LRRC7: variants seen among roughly 807,000 people sequenced by gnomAD.
LRRC7 encodes the protein leucine-rich repeat-containing protein 7.
Under a neutral mutation model 175.7 loss-of-function variants are expected in LRRC7, and 23 were observed. The observed-to-expected ratio is 0.13, with a 90% CI of 0.09 to 0.19. The LOEUF is 0.19. Ranked by LOEUF, LRRC7 falls within the 10% of genes least tolerant of loss-of-function variation. The probability of loss-of-function intolerance (pLI) is 1.00; values close to 1 mark genes in which losing one functional copy is unlikely to be tolerated. For missense variants in LRRC7, 1,354 were observed against 1,904.7 expected, an observed-to-expected ratio of 0.71 and a Z score of 5.38; for synonymous variants, 685 against 680.9, an observed-to-expected ratio of 1.01 and a Z score of -0.09.
chr1:69,873,604 G>A, intron 7 of LRRC7: 1 of 475,298 alleles, frequency 2.1e-6, no homozygotes, highest in Non-Finnish European at 4.4e-6. Context: ...AATAGACTTT[G>A]TAGAGGTAGT....
chr1:69,939,015 CTATATATATATATATCTATATATATCTA>C (rs1473701322), intron 8 of LRRC7, among the ~76,000 whole-genome samples: 6 of 52,688 alleles, frequency 1.1e-4, no homozygotes, highest in African/African-American at 3.2e-4. Flanking sequence ...ATATATATAT[CTATATATATATATATCTATATATATCTA>C]TATCTATCTC....
At chr1:69,797,189 T>G (rs1445914396) in intron 4 of LRRC7, among the ~76,000 whole-genome samples, 1 of 152,154 alleles carries the variant, frequency 6.6e-6, no homozygotes, top group Non-Finnish European at 1.5e-5. Flanking sequence ...ATCCAATTGT[T>G]TTAACCGAGT....
At chr1:69,843,898 A>G (rs919484650) in intron 7 of LRRC7, among the ~76,000 whole-genome samples, 1 of 152,102 alleles carries the variant, frequency 6.6e-6, no homozygotes, top group African/African-American at 2.4e-5. Context: ...TTCTTTTGCT[A>G]TAGAGGACAT....
chr1:69,723,530 A>G (rs1354987417), intron 2 of LRRC7, among the ~76,000 whole-genome samples: 1 of 152,174 alleles, frequency 6.6e-6, no homozygotes, highest in Non-Finnish European at 1.5e-5. Flanking sequence ...GTCAGAAATT[A>G]TTAATAAGAG....
intron 24 of LRRC7, among the ~76,000 whole-genome samples, chr1:70,079,375 A>C (rs1663046506): frequency 6.6e-6 from 1 of 152,068 alleles, no homozygotes; most frequent in South Asian, 2.1e-4. Flanking sequence ...TAAATTATCT[A>C]ACAACAATGG....
chr1:69,969,636 A>G (rs907111811), intron 8 of LRRC7, among the ~76,000 whole-genome samples: 14 of 152,272 alleles, frequency 9.2e-5, no homozygotes, highest in African/African-American at 3.1e-4. Context: ...TAAAACAACT[A>G]CTACTAGACC....
At chr1:69,982,863 A>G (rs1653574252) in intron 9 of LRRC7, among the ~76,000 whole-genome samples, 1 of 152,230 alleles carries the variant, frequency 6.6e-6, no homozygotes, top group Non-Finnish European at 1.5e-5. Flanking sequence ...GTAAGAATTT[A>G]TGCCTTTACA....
intron 7 of LRRC7, among the ~76,000 whole-genome samples, chr1:69,919,147 C>G (rs939946337): frequency 7.9e-5 from 12 of 152,032 alleles, no homozygotes; most frequent in African/African-American, 2.9e-4. Context: ...AAAGTATCTA[C>G]AGAGTAGAGT....
At chr1:69,609,083 G>A (rs1648275282) in intron 1 of LRRC7, among the ~76,000 whole-genome samples, 1 of 151,662 alleles carries the variant, frequency 6.6e-6, no homozygotes, top group East Asian at 1.9e-4. Flanking sequence ...CAGCTTGAAA[G>A]CACCCAGCTT....
chr1:69,727,691 A>G (rs1240443466), intron 2 of LRRC7, among the ~76,000 whole-genome samples: 1 of 152,198 alleles, frequency 6.6e-6, no homozygotes, highest in Non-Finnish European at 1.5e-5. Context: ...ACTATAAACC[A>G]AGACTTGATG....
intron 21 of LRRC7, among the ~76,000 whole-genome samples, chr1:70,042,331 C>G (rs1477849921): frequency 6.6e-6 from 1 of 152,168 alleles, no homozygotes; most frequent in Non-Finnish European, 1.5e-5. Context: ...GCAGACTGCA[C>G]CAGAGAAATA....
chr1:69,702,290 C>G (rs1271627438), intron 2 of LRRC7, among the ~76,000 whole-genome samples: 2 of 152,170 alleles, frequency 1.3e-5, no homozygotes, highest in African/African-American at 2.4e-5. Flanking sequence ...CAAGACAGAA[C>G]ACATCATCAA....
chr1:70,060,627 T>G (rs982252), intron 23 of LRRC7, among the ~76,000 whole-genome samples: 32 of 151,768 alleles, frequency 2.1e-4, no homozygotes, highest in African/African-American at 7.8e-4. Context: ...GAAAGTAGAG[T>G]AGATCATGAG....
At chr1:69,640,784 A>G (rs1013821035) in intron 1 of LRRC7, among the ~76,000 whole-genome samples, 1 of 151,596 alleles carries the variant, frequency 6.6e-6, no homozygotes, top group East Asian at 1.9e-4. Flanking sequence ...ATGAAATCTT[A>G]AAAGTTTTAT....
intron 8 of LRRC7, among the ~76,000 whole-genome samples, chr1:69,972,846 T>C (rs1349689195): frequency 2.0e-5 from 3 of 150,944 alleles, no homozygotes; most frequent in Non-Finnish European, 4.4e-5. Context: ...CAGTTTGCAA[T>C]TGCAAAAACA....
chr1:69,975,480 TGGAAACCTGAC>T (rs1442983151), intron 8 of LRRC7, among the ~76,000 whole-genome samples: 1 of 152,160 alleles, frequency 6.6e-6, no homozygotes, highest in East Asian at 1.9e-4. Flanking sequence ...CTCCGACCTA[TGGAAACCTGAC>T]GTCTTTTGTT....
chr1:70,071,731 T>A (rs1662403263), intron 23 of LRRC7, among the ~76,000 whole-genome samples: 1 of 152,216 alleles, frequency 6.6e-6, no homozygotes, highest in African/African-American at 2.4e-5. Context: ...TGGCGTAAAT[T>A]GTAATCTTTT....
intron 2 of LRRC7, among the ~76,000 whole-genome samples, chr1:69,699,029 T>C (rs917615433): frequency 6.6e-6 from 1 of 152,120 alleles, no homozygotes; most frequent in African/African-American, 2.4e-5. Flanking sequence ...GAGATTTATA[T>C]ATACTTTAAG....
intron 7 of LRRC7, chr1:69,874,346 A>ATATT (rs1434467998): frequency 6.6e-6 from 1 of 152,152 alleles, no homozygotes; most frequent in Non-Finnish European, 1.5e-5. Flanking sequence ...GAAGTAGGAT[A>ATATT]TATTTCATAT....
Sources: allele counts gnomAD v4.1 joint callset (sites outside exome capture counted in the v4.1 genomes callset), GRCh38; gene constraint gnomAD v4.1.1; transcripts MANE v1.5; gene names NCBI Gene and HGNC (gene_info 2026-07-23, HGNC 2026-07-21).